Variants in NMT2 observed in about 807,000 individuals in gnomAD.
The protein encoded by NMT2 is N-myristoyltransferase 2, also known as glycylpeptide N-tetradecanoyltransferase 2.
In NMT2, 35 loss-of-function variants were observed where a neutral mutation model predicts 65.4. The observed-to-expected ratio is 0.54, with a 90% CI of 0.41 to 0.71. The LOEUF is 0.71. Among genes scored for constraint, NMT2 ranks in the 30% least tolerant of loss-of-function variants. The pLI is 0.00. For synonymous variants in NMT2, 226 were observed against 231.8 expected (o/e 0.98, Z 0.23); for missense variants, 489 against 611.3 (o/e 0.80, Z 2.11).
At chr10:15,130,786 CTTT>C (rs765987022) in intron 6 of NMT2, among the ~76,000 whole-genome samples, 3 of 101,188 alleles carry the variant, frequency 3.0e-5, no homozygotes, top group South Asian at 3.6e-4. Flanking sequence ...TTCTTTCTTT[CTTT>C]TTTTTTTTTT....
intron 1 of NMT2, among the ~76,000 whole-genome samples, chr10:15,157,537 C>G (rs1482107516): frequency 1.3e-5 from 2 of 151,886 alleles, no homozygotes; most frequent in African/African-American, 4.8e-5. Context: ...GGCAGAGGCT[C>G]CAGAGAAAGG....
intron 9 of NMT2, among the ~76,000 whole-genome samples, chr10:15,113,944 A>C (rs1477226962): frequency 6.6e-6 from 1 of 152,204 alleles, no homozygotes; most frequent in African/African-American, 2.4e-5. Flanking sequence ...GACTTTTAGA[A>C]TATGATGTGT....
chr10:15,109,254 G>A, intron 11 of NMT2, 39 bp from the exon 12 acceptor site: 3 of 1,603,290 alleles, frequency 1.9e-6, no homozygotes, highest in Non-Finnish European at 2.6e-6. Context: ...AGAAAAATTA[G>A]ATTGCAATGT....
chr10:15,157,768 A>G (rs938133500), intron 1 of NMT2, among the ~76,000 whole-genome samples: 6 of 152,214 alleles, frequency 3.9e-5, no homozygotes, highest in Non-Finnish European at 7.3e-5. Context: ...TCATTGACCC[A>G]TTACACTGGT....
intron 2 of NMT2, among the ~76,000 whole-genome samples, chr10:15,136,719 C>T (rs907312571): frequency 6.6e-6 from 1 of 152,136 alleles, no homozygotes; most frequent in Admixed American, 6.6e-5. Flanking sequence ...TCGTTCCCAG[C>T]CCAAGTGTTG....
chr10:15,159,707 C>T (rs539054275), intron 1 of NMT2, among the ~76,000 whole-genome samples: 4 of 152,246 alleles, frequency 2.6e-5, no homozygotes, highest in East Asian at 1.9e-4. Context: ...GGATTACAGG[C>T]GTGAGCCACT....
At chr10:15,132,720 G>A (rs142602430) in intron 6 of NMT2, 97 bp downstream of exon 6, 11,743 of 851,240 alleles carry the variant, frequency 0.014, 99 homozygotes, top group Middle Eastern at 0.032. Context: ...GAGCCACTGC[G>A]CTTGGCCTGC....
At chr10:15,153,731 G>C (rs1371951317) in intron 1 of NMT2, among the ~76,000 whole-genome samples, 1 of 151,906 alleles carries the variant, frequency 6.6e-6, no homozygotes, top group African/African-American at 2.4e-5. Context: ...CTCACTGCAA[G>C]CTCCGCCTCC....
At chr10:15,141,015 C>T in intron 2 of NMT2, 2 of 1,550,854 alleles carry the variant, frequency 1.3e-6, no homozygotes, top group Non-Finnish European at 1.7e-6. Flanking sequence ...AAATCTGCTG[C>T]CAGATGGTGT....
At position 15,107,295 on chromosome 10, in the gene NMT2, G is replaced by A. The variant is rs1845338300; in HGVS notation, c.*1900C>T. 4 of 939,836 alleles carry A rather than the reference G, an allele frequency of 4.3e-6. No individual in the cohort carries two copies. The highest frequency in any genetic ancestry group is 5.1e-6 in the Non-Finnish European group (4 of 788,424). 58.2% of individuals were successfully genotyped at this position (939,836 alleles called of 1,614,324 possible). A position where few individuals can be genotyped will look rare whatever the true frequency, so the allele number is the denominator to read the frequency against. On this transcript the variant is annotated 3_prime_UTR_variant, in exon 12 of 12. Coordinates refer to ENST00000378165, the MANE Select transcript of NMT2 (RefSeq NM_004808.3). ...GCTACACAAAAATAAGCAATGGGCTGGATTTAGCCCACAGGCCATAGTTTG... is the reference window on the plus strand; with the variant it reads ...GCTACACAAAAATAAGCAATGGGCTAGATTTAGCCCACAGGCCATAGTTTG...
intron 1 of NMT2, among the ~76,000 whole-genome samples, chr10:15,159,518 T>C (rs1223880592): frequency 1.3e-5 from 2 of 151,914 alleles, no homozygotes; most frequent in Non-Finnish European, 2.9e-5. Context: ...GTGATCTCCA[T>C]CTCTCGGGTT....
intron 6 of NMT2, among the ~76,000 whole-genome samples, chr10:15,130,859 G>C (rs1403126547): frequency 7.6e-6 from 1 of 131,052 alleles, no homozygotes. Context: ...GCGCAATCTT[G>C]GCTCACTGTA....
chr10:15,114,717 C>T (rs948461994), intron 9 of NMT2, among the ~76,000 whole-genome samples: 10 of 152,112 alleles, frequency 6.6e-5, no homozygotes, highest in Non-Finnish European at 1.2e-4. Flanking sequence ...TATTAGCAAA[C>T]TAGGGCTGGG....
At chr10:15,155,635 G>A (rs548788129) in intron 1 of NMT2, among the ~76,000 whole-genome samples, 39 of 144,568 alleles carry the variant, frequency 2.7e-4, no homozygotes, top group African/African-American at 9.9e-4. Context: ...CTCCCACCTT[G>A]GCCTCCCAAA....
In NMT2 at chr10:15,114,253, A is replaced by G. The variant is rs754045200; in HGVS notation, c.1171-1290T>C. On this transcript the variant is annotated intron_variant, in intron 9 of 11. Transcript: ENST00000378165. Reference sequence around the variant, plus strand: ...CTGAATTACTGCAGGCACCTGCAGAACCTGATTAGGTTCCCCACCCCATTT... The same window carrying G: ...CTGAATTACTGCAGGCACCTGCAGAGCCTGATTAGGTTCCCCACCCCATTT... Among the ~76,000 whole-genome samples the G allele has an allele frequency of 4.6e-4, 70 of 152,354 alleles. No individual in the cohort carries two copies. In the Middle Eastern group the frequency reaches 0.01, roughly 22 times the overall value.
intron 1 of NMT2, chr10:15,154,846 C>A (rs769610975): frequency 1.3e-6 from 1 of 779,124 alleles, no homozygotes; most frequent in Middle Eastern, 2.3e-4. Context: ...CTGCTCTTGC[C>A]ATTCTTGGAC....
intron 1 of NMT2, among the ~76,000 whole-genome samples, chr10:15,151,081 G>A (rs1490158926): frequency 1.4e-5 from 2 of 140,234 alleles, no homozygotes; most frequent in Non-Finnish European, 1.5e-5. Flanking sequence ...TTTTGGAGAC[G>A]GAGTTTCACT....
At chr10:15,157,187 C>A (rs1043772778) in intron 1 of NMT2, among the ~76,000 whole-genome samples, 1 of 152,178 alleles carries the variant, frequency 6.6e-6, no homozygotes, top group Non-Finnish European at 1.5e-5. Flanking sequence ...GTCCCTATTT[C>A]CCCGGGGCAC....
At chr10:15,165,756 T>G (rs769222949) in intron 1 of NMT2, among the ~76,000 whole-genome samples, 2 of 151,804 alleles carry the variant, frequency 1.3e-5, no homozygotes, top group African/African-American at 2.4e-5. Context: ...CACGCGCCTG[T>G]AATCCCAGCT....
Sources: allele counts gnomAD v4.1 joint callset (sites outside exome capture counted in the v4.1 genomes callset), GRCh38; gene constraint gnomAD v4.1.1; transcripts MANE v1.5; gene names NCBI Gene and HGNC (gene_info 2026-07-23, HGNC 2026-07-21).